Variants in NAV2 observed in about 807,000 individuals in gnomAD.
The protein encoded by NAV2 is helicase, APC down-regulated 1.
A neutral mutation model predicts 223.2 loss-of-function variants in NAV2; 54 were observed. The observed-to-expected ratio is 0.24, with a 90% confidence interval of 0.19 to 0.30. The LOEUF is 0.30. Ranked by LOEUF, NAV2 falls within the 10% of genes least tolerant of loss-of-function variation. The pLI, the probability that NAV2 is intolerant of heterozygous loss-of-function variation, is 1.00. For missense variants in NAV2, 2,806 were observed against 3,147.5 expected, an observed-to-expected ratio of 0.89 and a Z score of 2.60; for synonymous variants, 1,279 against 1,239.3, an observed-to-expected ratio of 1.03 and a Z score of -0.67.
At chr11:19,675,932 A>C (rs1406041817) in intron 1 of NAV2, among the ~76,000 whole-genome samples, 2 of 152,248 alleles carry the variant, frequency 1.3e-5, no homozygotes, top group African/African-American at 4.8e-5. Flanking sequence ...TATTTCAATT[A>C]ATCCTTACAA....
intron 1 of NAV2, among the ~76,000 whole-genome samples, chr11:19,714,804 A>T (rs1462669566): frequency 6.6e-6 from 1 of 152,194 alleles, no homozygotes; most frequent in Non-Finnish European, 1.5e-5. Flanking sequence ...TCTCTTTTAC[A>T]GAAATTAGCA....
At chr11:20,008,527 G>A (rs1455130990) in intron 11 of NAV2, among the ~76,000 whole-genome samples, 1 of 152,170 alleles carries the variant, frequency 6.6e-6, no homozygotes, top group Non-Finnish European at 1.5e-5. Context: ...AAACAAGCAT[G>A]CTTGCCATCA....
At chr11:19,820,964 T>C (rs2059336713) in intron 1 of NAV2, among the ~76,000 whole-genome samples, 1 of 152,028 alleles carries the variant, frequency 6.6e-6, no homozygotes. Flanking sequence ...AAACGGGGCA[T>C]TGAGAGGAAG....
intron 27 of NAV2, 57 bp downstream of exon 27, chr11:20,091,075 G>A (rs2060810298): frequency 6.3e-7 from 1 of 1,584,498 alleles, no homozygotes; most frequent in African/African-American, 1.3e-5. Context: ...AGCTCCCAGA[G>A]GCTGCTCTCC....
At position 20,016,961 on chromosome 11, in the gene NAV2, G is replaced by A. The variant is rs574883642; in HGVS notation, c.2769-18998G>A. ...GTGGAGGTTGCAGTGAGCTGAGATC[G>A]TGCCACTGCACTCCAGCCTAAACAA... On this transcript the variant is annotated intron_variant, in intron 11 of 37. Transcript: ENST00000349880. Among the ~76,000 whole-genome samples the A allele has an allele frequency of 8.5e-5, 13 of 152,222 alleles. No individual in the cohort carries two copies. In the East Asian group the frequency reaches 1.5e-3, roughly 18 times the overall value.
At chr11:19,810,345 T>TCCTG (rs10672274) in intron 1 of NAV2, among the ~76,000 whole-genome samples, 37,586 of 151,684 alleles carry the variant, frequency 0.25, 5,248 homozygotes, top group East Asian at 0.48. Flanking sequence ...TTTAAATTCT[T>TCCTG]CCTGCCCCAG....
intron 16 of NAV2, among the ~76,000 whole-genome samples, chr11:20,050,697 A>G (rs993357414): frequency 3.9e-5 from 6 of 152,186 alleles, no homozygotes; most frequent in Non-Finnish European, 7.3e-5. Flanking sequence ...ATCAGCCAGC[A>G]AGTTGTAACA....
At chr11:19,650,336 C>T (rs937082166) in intron 1 of NAV2, among the ~76,000 whole-genome samples, 9 of 152,112 alleles carry the variant, frequency 5.9e-5, no homozygotes, top group African/African-American at 1.9e-4. Flanking sequence ...CTGCCACAAG[C>T]CAAGGGCTGG....
intron 1 of NAV2, among the ~76,000 whole-genome samples, chr11:19,820,313 G>A (rs2059305721): frequency 6.6e-6 from 1 of 152,234 alleles, no homozygotes. Context: ...CTTGGAAGGA[G>A]AATGCATCTG....
chr11:19,710,096 A>G (rs1483961519), upstream of NAV2, among the ~76,000 whole-genome samples: 2 of 152,266 alleles, frequency 1.3e-5, no homozygotes, highest in Non-Finnish European at 2.9e-5. Flanking sequence ...GGCAGTAAAT[A>G]CAATTTAAAC....
At chr11:19,420,588 A>G (rs1850569531) in intron 1 of NAV2, among the ~76,000 whole-genome samples, 1 of 152,258 alleles carries the variant, frequency 6.6e-6, no homozygotes, top group Non-Finnish European at 1.5e-5. Flanking sequence ...ACTAAGCTAC[A>G]TGCAACAGTA....
At chr11:19,666,699 T>C (rs2048419855) in intron 1 of NAV2, among the ~76,000 whole-genome samples, 1 of 152,154 alleles carries the variant, frequency 6.6e-6, no homozygotes, top group Non-Finnish European at 1.5e-5. Context: ...CTCAGGACCT[T>C]CATACATGTT....
chr11:19,483,721 G>T (rs1485243492), intron 1 of NAV2, among the ~76,000 whole-genome samples: 1 of 152,192 alleles, frequency 6.6e-6, no homozygotes, highest in East Asian at 1.9e-4. Context: ...TTTGGCAGAT[G>T]ACATAAACAG....
intron 1 of NAV2, among the ~76,000 whole-genome samples, chr11:19,627,500 CA>C (rs1312329558): frequency 6.6e-6 from 1 of 152,014 alleles, no homozygotes; most frequent in Non-Finnish European, 1.5e-5. Flanking sequence ...ATTCTCTGGT[CA>C]CAGCCAGAGA....
chr11:19,442,136 G>A (rs1241740694), intron 1 of NAV2, among the ~76,000 whole-genome samples: 1 of 152,260 alleles, frequency 6.6e-6, no homozygotes, highest in East Asian at 1.9e-4. Flanking sequence ...TGTGGCGGAA[G>A]TGGAGTGGAG....
intron 1 of NAV2, among the ~76,000 whole-genome samples, chr11:19,743,999 G>T (rs2053107108): frequency 6.6e-6 from 1 of 152,198 alleles, no homozygotes; most frequent in Non-Finnish European, 1.5e-5. Context: ...GATACAGTTG[G>T]TTTACTGAGC....
At chr11:19,782,185 A>G (rs1401663199) in intron 1 of NAV2, among the ~76,000 whole-genome samples, 1 of 152,240 alleles carries the variant, frequency 6.6e-6, no homozygotes, top group Non-Finnish European at 1.5e-5. Flanking sequence ...TTGAGAAAGC[A>G]GGTTGGAATA....
intron 1 of NAV2, among the ~76,000 whole-genome samples, chr11:19,665,893 A>G (rs1443624667): frequency 6.6e-6 from 1 of 152,208 alleles, no homozygotes; most frequent in Non-Finnish European, 1.5e-5. Flanking sequence ...TATGAATCAC[A>G]ACATAATTTC....
intron 1 of NAV2, among the ~76,000 whole-genome samples, chr11:19,441,429 GACACACACACACACACACGCACAC>G (rs1295053226): frequency 7.1e-6 from 1 of 141,314 alleles, no homozygotes; most frequent in Non-Finnish European, 1.5e-5. Context: ...AGGACACTGG[GACACACACACACACACACGCACAC>G]ACACACACAC....
Sources: allele counts gnomAD v4.1 joint callset (sites outside exome capture counted in the v4.1 genomes callset), GRCh38; gene constraint gnomAD v4.1.1; transcripts MANE v1.5; gene names NCBI Gene and HGNC (gene_info 2026-07-23, HGNC 2026-07-21).